Variants in ZFHX3 observed in about 807,000 individuals in gnomAD.
ZFHX3 encodes the protein zinc finger homeobox 3.
ZFHX3 carries 42 observed loss-of-function variants against 279.1 expected under a neutral mutation model. The ratio of observed to expected loss-of-function variants is 0.15; its 90% confidence interval spans 0.12 to 0.19. The LOEUF (loss-of-function observed/expected upper bound fraction) is 0.19. ZFHX3 is among the 10% of genes least tolerant of loss of function. The pLI is 1.00. For synonymous variants in ZFHX3, 2,293 were observed against 1,957.8 expected (o/e 1.17, Z -4.52); for missense variants, 4,981 against 4,754.0 (o/e 1.05, Z -1.40).
At chr16:73,478,955 G>C (rs1272147771) in intron 2 of ZFHX3, among the ~76,000 whole-genome samples, 1 of 152,184 alleles carries the variant, frequency 6.6e-6, no homozygotes, top group African/African-American at 2.4e-5. Flanking sequence ...AGGAGGCTGA[G>C]GCCGGGGAAT....
At chr16:73,152,541 T>C (rs550090497) in intron 5 of ZFHX3, among the ~76,000 whole-genome samples, 1 of 151,458 alleles carries the variant, frequency 6.6e-6, no homozygotes, top group Admixed American at 6.6e-5. Flanking sequence ...CTAAAGAAAA[T>C]ATGTTTCTTA....
chr16:73,141,398 AT>A (rs34599739), intron 6 of ZFHX3, among the ~76,000 whole-genome samples: 2,405 of 144,202 alleles, frequency 0.017, 20 homozygotes, highest in South Asian at 0.02. Context: ...TCTTTAAATA[AT>A]TTTTTTTTTT....
chr16:72,971,816 A>G (rs968360750), intron 1 of ZFHX3, among the ~76,000 whole-genome samples: 3 of 151,952 alleles, frequency 2.0e-5, no homozygotes, highest in African/African-American at 7.3e-5. Flanking sequence ...TTTACTCATA[A>G]GACAGAACCC....
intron 5 of ZFHX3, among the ~76,000 whole-genome samples, chr16:73,188,701 G>A (rs573746300): frequency 6.6e-6 from 1 of 152,220 alleles, no homozygotes; most frequent in East Asian, 1.9e-4. Context: ...TGGAAAGGTG[G>A]CTTTGTTGAC....
chr16:72,891,581 G>T (rs1227009888), intron 3 of ZFHX3, among the ~76,000 whole-genome samples: 2 of 152,158 alleles, frequency 1.3e-5, no homozygotes, highest in African/African-American at 4.8e-5. Context: ...GGGTACACAT[G>T]AAGCAAGGGA....
chr16:72,978,412 A>C (rs962680212), intron 1 of ZFHX3, among the ~76,000 whole-genome samples: 3 of 152,200 alleles, frequency 2.0e-5, no homozygotes, highest in African/African-American at 7.2e-5. Context: ...ATCAGAAATC[A>C]GCAGGGCAGT....
intron 2 of ZFHX3, among the ~76,000 whole-genome samples, chr16:73,542,049 C>T (rs1467076746): frequency 6.6e-6 from 1 of 151,986 alleles, no homozygotes; most frequent in South Asian, 2.1e-4. Flanking sequence ...ATCTGCCCAC[C>T]TCGGCCTCCC....
intron 4 of ZFHX3, among the ~76,000 whole-genome samples, chr16:72,869,967 T>C (rs1203026160): frequency 1.3e-5 from 2 of 152,226 alleles, no homozygotes; most frequent in African/African-American, 4.8e-5. Context: ...TTTTTGGCAT[T>C]TCTACCAAAA....
chr16:73,517,143 A>G (rs2019536811), intron 2 of ZFHX3, among the ~76,000 whole-genome samples: 1 of 152,126 alleles, frequency 6.6e-6, no homozygotes, highest in East Asian at 1.9e-4. Context: ...ATTCCCGTTA[A>G]AGTGATAACC....
chr16:73,129,522 C>A (rs1966635963), intron 7 of ZFHX3, among the ~76,000 whole-genome samples: 1 of 151,894 alleles, frequency 6.6e-6, no homozygotes, highest in Non-Finnish European at 1.5e-5. Flanking sequence ...AGGAGATCGT[C>A]TTTGCCCTCT....
intron 1 of ZFHX3, among the ~76,000 whole-genome samples, chr16:73,033,695 G>A (rs1448715303): frequency 6.6e-6 from 1 of 152,128 alleles, no homozygotes; most frequent in Non-Finnish European, 1.5e-5. Context: ...GCCTGTTAAA[G>A]GAATTCGATA....
chr16:73,696,830 G>C (rs945914218), intron 1 of ZFHX3, among the ~76,000 whole-genome samples: 1 of 152,034 alleles, frequency 6.6e-6, no homozygotes, highest in African/African-American at 2.4e-5. Flanking sequence ...TGAGACTTCT[G>C]GAAAGTGAAG....
At chr16:73,145,864 T>A (rs1172646989) in intron 5 of ZFHX3, among the ~76,000 whole-genome samples, 1 of 152,166 alleles carries the variant, frequency 6.6e-6, no homozygotes, top group African/African-American at 2.4e-5. Context: ...TCCAAGACAG[T>A]TCAGCGAACA....
chr16:73,202,246 A>T (rs1380116053), intron 5 of ZFHX3, among the ~76,000 whole-genome samples: 1 of 152,142 alleles, frequency 6.6e-6, no homozygotes, highest in Non-Finnish European at 1.5e-5. Context: ...GAGCCCTTGA[A>T]ACTCTCTAGA....
chr16:73,615,943 T>C (rs1262618205), intron 2 of ZFHX3, among the ~76,000 whole-genome samples: 1 of 152,164 alleles, frequency 6.6e-6, no homozygotes. Flanking sequence ...AATCTTCACG[T>C]GGGCTAAAGG....
chr16:72,978,857 C>A (rs1006014667), intron 1 of ZFHX3, among the ~76,000 whole-genome samples: 14 of 152,186 alleles, frequency 9.2e-5, no homozygotes, highest in Admixed American at 2.6e-4. Context: ...AGGCACTTAC[C>A]ATTTATTGAG....
rs114742891 is a variant in ZFHX3, at chr16:73,747,495, T to G, written c.-1607-67255A>C. ...AATAAATCTTACTTGGTTAAGTCAC[T>G]ACAATTTCCAAGATTTGTTTGTTTC... is the stretch of plus-strand genomic sequence containing the variant. On this transcript the variant is annotated intron_variant, in intron 1 of 17. Transcript: ENST00000641206. Among the ~76,000 whole-genome samples the G allele has an allele frequency of 3.1e-3, 473 of 152,340 alleles. 7 individuals carry two copies. Among genetic ancestry groups the G allele is most frequent in the African/African-American group, 0.011 (459 of 41,584 alleles).
At chr16:73,849,527 T>A (rs1005146722) in intron 1 of ZFHX3, among the ~76,000 whole-genome samples, 1 of 152,216 alleles carries the variant, frequency 6.6e-6, no homozygotes, top group Admixed American at 6.5e-5. Flanking sequence ...TTTAAAGAGA[T>A]AACAGGGCCT....
intron 4 of ZFHX3, among the ~76,000 whole-genome samples, chr16:73,277,850 T>A (rs1178515534): frequency 6.6e-6 from 1 of 152,136 alleles, no homozygotes; most frequent in Non-Finnish European, 1.5e-5. Flanking sequence ...AAGCTTCCAA[T>A]CATGGTGGAA....
Sources: gnomAD v4.1 joint callset for allele counts (sites outside exome capture counted in the v4.1 genomes callset) on GRCh38, gnomAD v4.1.1 for gene constraint, MANE v1.5 for transcripts, NCBI Gene and HGNC (gene_info 2026-07-23, HGNC 2026-07-21) for gene names.